Variants in STXBP6 observed in about 807,000 individuals in gnomAD.
STXBP6 encodes the protein syntaxin binding protein 6.
In STXBP6, 21 loss-of-function variants were observed where a neutral mutation model predicts 26.9. That is an observed-to-expected ratio of 0.78 (90% confidence interval 0.55 to 1.12). The LOEUF (loss-of-function observed/expected upper bound fraction) is 1.12. Among genes scored for constraint, STXBP6 ranks in the 50% most tolerant of loss-of-function variants. The pLI is 0.00. For synonymous variants in STXBP6, 97 were observed against 92.6 expected, an observed-to-expected ratio of 1.05 and a Z score of -0.27; for missense variants, 232 against 257.9, an observed-to-expected ratio of 0.90 and a Z score of 0.69.
At chr14:24,830,734 T>C (rs2068432981) in intron 4 of STXBP6, among the ~76,000 whole-genome samples, 1 of 152,004 alleles carries the variant, frequency 6.6e-6, no homozygotes, top group Non-Finnish European at 1.5e-5. Context: ...GTCATTAGCA[T>C]AGAGACAGAA....
chr14:24,933,729 A>G (rs1474308827), intron 2 of STXBP6, among the ~76,000 whole-genome samples: 1 of 152,164 alleles, frequency 6.6e-6, no homozygotes, highest in African/African-American at 2.4e-5. Flanking sequence ...GTTGAATATT[A>G]TAGAACACAC....
At chr14:24,976,551 G>A (rs986913543) in intron 1 of STXBP6, among the ~76,000 whole-genome samples, 2 of 152,178 alleles carry the variant, frequency 1.3e-5, no homozygotes, top group African/African-American at 4.8e-5. Flanking sequence ...CAACAGTGGA[G>A]GGGGACCTGT....
chr14:24,905,298 G>A (rs765554535), intron 2 of STXBP6, among the ~76,000 whole-genome samples: 3 of 152,146 alleles, frequency 2.0e-5, no homozygotes, highest in African/African-American at 4.8e-5. Context: ...GTCAGGTTGT[G>A]TACATCATCA....
intron 2 of STXBP6, among the ~76,000 whole-genome samples, chr14:24,889,580 AAAG>A (rs1431694336): frequency 6.6e-6 from 1 of 151,702 alleles, no homozygotes; most frequent in African/African-American, 2.4e-5. Context: ...TAAAATAAAA[AAAG>A]AAAAAAAAAG....
intron 2 of STXBP6, among the ~76,000 whole-genome samples, chr14:24,892,955 G>A (rs982610049): frequency 1.3e-5 from 2 of 152,134 alleles, no homozygotes; most frequent in Non-Finnish European, 2.9e-5. Context: ...ACATTCCGCT[G>A]CTTTGAAGTG....
chr14:24,995,336 C>T (rs974168273), intron 1 of STXBP6, among the ~76,000 whole-genome samples: 4 of 152,182 alleles, frequency 2.6e-5, no homozygotes, highest in African/African-American at 9.7e-5. Context: ...TTAGATTCAG[C>T]ATACGAATTT....
chr14:24,886,724 T>C (rs1057460333), intron 2 of STXBP6, among the ~76,000 whole-genome samples: 8 of 152,220 alleles, frequency 5.3e-5, no homozygotes, highest in African/African-American at 1.9e-4. Context: ...AACACTCTCA[T>C]ACTGTATCAC....
intron 1 of STXBP6, among the ~76,000 whole-genome samples, chr14:24,978,916 G>A (rs547701871): frequency 2.0e-5 from 3 of 152,322 alleles, no homozygotes; most frequent in African/African-American, 7.2e-5. Context: ...ACAGGTGTAA[G>A]ATGCAACATT....
chr14:24,892,384 G>A (rs866608500), intron 2 of STXBP6, among the ~76,000 whole-genome samples: 30 of 152,164 alleles, frequency 2.0e-4, no homozygotes, highest in Middle Eastern at 3.4e-3. Flanking sequence ...TGTATCTAGC[G>A]AGCTATTCTG....
chr14:24,990,495 C>T (rs2074438017), intron 1 of STXBP6, among the ~76,000 whole-genome samples: 2 of 151,958 alleles, frequency 1.3e-5, no homozygotes, highest in East Asian at 1.9e-4. Flanking sequence ...CCCATCTCTA[C>T]TAAAAATACA....
chr14:24,981,568 T>C (rs943073293), intron 1 of STXBP6, among the ~76,000 whole-genome samples: 2 of 152,148 alleles, frequency 1.3e-5, no homozygotes, highest in Non-Finnish European at 2.9e-5. Flanking sequence ...AGCCCAGATA[T>C]GTGTTTTTAT....
chr14:24,847,327 T>TA (rs1566406018), intron 4 of STXBP6, among the ~76,000 whole-genome samples: 1 of 152,172 alleles, frequency 6.6e-6, no homozygotes, highest in Non-Finnish European at 1.5e-5. Context: ...CTACGTGAAA[T>TA]AAGCACAATG....
intron 2 of STXBP6, among the ~76,000 whole-genome samples, chr14:24,870,021 T>C (rs1187443412): frequency 2.0e-5 from 3 of 152,146 alleles, no homozygotes; most frequent in Non-Finnish European, 4.4e-5. Context: ...TATATTAAAA[T>C]TGAGTAACAG....
At chr14:24,966,005 C>G (rs957505486) in intron 2 of STXBP6, among the ~76,000 whole-genome samples, 4 of 152,188 alleles carry the variant, frequency 2.6e-5, no homozygotes, top group Admixed American at 2.6e-4. Context: ...TTGCAATCTC[C>G]CTAACCACCA....
chr14:24,911,328 C>A (rs1301471569), intron 2 of STXBP6, among the ~76,000 whole-genome samples: 1 of 149,180 alleles, frequency 6.7e-6, no homozygotes, highest in Non-Finnish European at 1.5e-5. Context: ...TAGAACAAGA[C>A]CCTGCCTCAA....
At chr14:24,829,710 A>G (rs1380322425) in intron 4 of STXBP6, among the ~76,000 whole-genome samples, 1 of 138,802 alleles carries the variant, frequency 7.2e-6, no homozygotes, top group Admixed American at 7.2e-5. Context: ...GTTACCTATT[A>G]TTTGCAATAG....
intron 4 of STXBP6, among the ~76,000 whole-genome samples, chr14:24,831,255 T>G (rs2068446607): frequency 1.3e-5 from 2 of 152,174 alleles, no homozygotes; most frequent in African/African-American, 2.4e-5. Context: ...CCTTGGAACT[T>G]TGTTTATGTT....
intron 2 of STXBP6, among the ~76,000 whole-genome samples, chr14:24,967,576 T>G (rs888447299): frequency 2.6e-5 from 4 of 152,196 alleles, no homozygotes; most frequent in African/African-American, 9.7e-5. Flanking sequence ...ATTTATAAAA[T>G]TAAAAAGGAT....
intron 2 of STXBP6, among the ~76,000 whole-genome samples, chr14:24,945,770 C>T (rs1166783866): frequency 1.3e-5 from 2 of 152,124 alleles, no homozygotes; most frequent in Admixed American, 6.5e-5. Context: ...AGGCATTGTT[C>T]TAAGGGCTTT....
Sources: allele counts gnomAD v4.1 joint callset (sites outside exome capture counted in the v4.1 genomes callset), GRCh38; gene constraint gnomAD v4.1.1; transcripts MANE v1.5; gene names NCBI Gene and HGNC (gene_info 2026-07-23, HGNC 2026-07-21).